The following SAMSN1 variants were observed in gnomAD, a reference collection of about 807,000 sequenced individuals.
SAMSN1 encodes the protein SAM domain, SH3 domain and nuclear localization signals 1.
A neutral mutation model predicts 42.0 loss-of-function variants in SAMSN1; 31 were observed. That is an observed-to-expected ratio of 0.74 (90% confidence interval 0.55 to 1.00). SAMSN1 has a LOEUF of 1.00. SAMSN1 is among the 50% of genes least tolerant of loss of function. The pLI, the probability that SAMSN1 is intolerant of heterozygous loss-of-function variation, is 0.00. For missense variants in SAMSN1, 464 were observed against 439.4 expected (o/e 1.06, Z -0.50); for synonymous variants, 178 against 151.9 (o/e 1.17, Z -1.26).
At position 14,486,636 on chromosome 21, in the gene SAMSN1, TTAAC is replaced by T. The variant is rs369563126; in HGVS notation, c.920-526_920-523del. 1.2e-3 allele frequency among the ~76,000 whole-genome samples: 179 copies of T among 152,290 alleles called. 3 individuals carry two copies. The South Asian group carries it at 0.029, about 25-fold the overall frequency. ...CAGTAGGACTTCAATTATTTGGAAG[TTAAC>T]TAATAAAACTTTAAATATCCAGAAT... On this transcript the variant is annotated intron_variant, in intron 7 of 7. Coordinates refer to ENST00000400566, the MANE Select transcript of SAMSN1 (RefSeq NM_022136.5).
At chr21:14,497,765 G>C (rs1222564348) in intron 7 of SAMSN1, among the ~76,000 whole-genome samples, 4 of 152,072 alleles carry the variant, frequency 2.6e-5, no homozygotes, top group Non-Finnish European at 5.9e-5. Flanking sequence ...CAGTGTTTGG[G>C]GGCCTGACCG....
chr21:14,614,758 C>G (rs1982793392), intron 3 of SAMSN1, among the ~76,000 whole-genome samples: 1 of 152,070 alleles, frequency 6.6e-6, no homozygotes, highest in South Asian at 2.1e-4. Context: ...GTTTATAATA[C>G]TGTAAAGTGA....
At chr21:14,559,578 A>G (rs977237630) in intron 2 of SAMSN1, among the ~76,000 whole-genome samples, 7 of 152,068 alleles carry the variant, frequency 4.6e-5, no homozygotes, top group Admixed American at 6.6e-5. Flanking sequence ...ATCATGGCTC[A>G]CTGCAGCATT....
At chr21:14,606,127 A>G (rs1442645448) in intron 5 of SAMSN1, among the ~76,000 whole-genome samples, 1 of 152,154 alleles carries the variant, frequency 6.6e-6, no homozygotes, top group African/African-American at 2.4e-5. Context: ...GGCGTGAACC[A>G]CTGCGCCCGG....
At chr21:14,641,889 T>C (rs1041484827) in intron 2 of SAMSN1, among the ~76,000 whole-genome samples, 2 of 152,176 alleles carry the variant, frequency 1.3e-5, no homozygotes, top group African/African-American at 4.8e-5. Flanking sequence ...CTAAAAACTT[T>C]ACTAATAGTC....
chr21:14,589,847 C>G (rs1374050365), intron 7 of SAMSN1, among the ~76,000 whole-genome samples: 1 of 152,132 alleles, frequency 6.6e-6, no homozygotes, highest in Non-Finnish European at 1.5e-5. Flanking sequence ...ATTTTCCTCT[C>G]TAGTGTCATA....
rs139063209 is a variant in SAMSN1, at chr21:14,635,669, G to C, written c.156+7333C>G. Among the ~76,000 whole-genome samples the C allele has an allele frequency of 7.8e-4, 119 of 152,248 alleles. 1 individual carries two copies. Among genetic ancestry groups the C allele is most frequent in the African/African-American group, 2.6e-3 (106 of 41,546 alleles). On this transcript the variant is annotated intron_variant, in intron 2 of 15. Transcript: ENST00000647101. Reference sequence around the variant, plus strand: ...AGATTAAGTGAGAGTTTGACTTAAAGTCATTTAATCAAGGATACTAAATTA... The same window carrying C: ...AGATTAAGTGAGAGTTTGACTTAAACTCATTTAATCAAGGATACTAAATTA...
intron 1 of SAMSN1, among the ~76,000 whole-genome samples, chr21:14,654,230 A>G (rs548039436): frequency 1.4e-4 from 22 of 152,130 alleles, no homozygotes; most frequent in Non-Finnish European, 2.5e-4. Context: ...ACATATAAGT[A>G]AAGTGAAGAT....
chr21:14,639,103 G>A (rs1293234419), intron 2 of SAMSN1, among the ~76,000 whole-genome samples: 1 of 152,200 alleles, frequency 6.6e-6, no homozygotes, highest in East Asian at 1.9e-4. Flanking sequence ...ACAAAATGAA[G>A]TGGAAAATTG....
chr21:14,627,277 G>GAAA (rs57307763), intron 2 of SAMSN1, among the ~76,000 whole-genome samples: 8 of 150,922 alleles, frequency 5.3e-5, no homozygotes, highest in East Asian at 1.9e-4. Context: ...AAAGTATAAT[G>GAAA]AAAAAAAAAG....
At chr21:14,603,535 A>G (rs1402897161) in intron 5 of SAMSN1, among the ~76,000 whole-genome samples, 1 of 152,228 alleles carries the variant, frequency 6.6e-6, no homozygotes, top group East Asian at 1.9e-4. Flanking sequence ...CAGTGATTCC[A>G]TGAACCCTGG....
intron 7 of SAMSN1, chr21:14,592,591 T>G: frequency 2.8e-6 from 1 of 351,870 alleles, no homozygotes; most frequent in Non-Finnish European, 6.1e-6. Flanking sequence ...CTTGGGGACA[T>G]TTGACTACAT....
At chr21:14,626,038 C>T (rs150861908) in intron 2 of SAMSN1, among the ~76,000 whole-genome samples, 1,766 of 152,238 alleles carry the variant, frequency 0.012, 24 homozygotes, top group African/African-American at 0.039. Flanking sequence ...AGAGGATTCC[C>T]TATTTAATAA....
At chr21:14,638,094 C>T (rs1411142450) in intron 2 of SAMSN1, among the ~76,000 whole-genome samples, 1 of 152,128 alleles carries the variant, frequency 6.6e-6, no homozygotes, top group Non-Finnish European at 1.5e-5. Context: ...GACTAAAAAC[C>T]ACATTATATA....
intron 2 of SAMSN1, among the ~76,000 whole-genome samples, chr21:14,622,608 T>C (rs1439320727): frequency 1.3e-5 from 2 of 152,180 alleles, no homozygotes; most frequent in Non-Finnish European, 2.9e-5. Context: ...CTCTAAGAAT[T>C]ATGGGACTAT....
At chr21:14,551,185 G>A (rs1428019885), upstream of SAMSN1, among the ~76,000 whole-genome samples, 1 of 152,082 alleles carries the variant, frequency 6.6e-6, no homozygotes, top group Non-Finnish European at 1.5e-5. Flanking sequence ...ATCTTGGGAA[G>A]CCTCTTAGAG....
At chr21:14,503,408 C>A (rs1275083504) in intron 5 of SAMSN1, among the ~76,000 whole-genome samples, 1 of 152,150 alleles carries the variant, frequency 6.6e-6, no homozygotes, top group Non-Finnish European at 1.5e-5. Context: ...GAACTGAATT[C>A]TGTCAAAAGC....
At chr21:14,494,415 A>G (rs1986823925) in intron 7 of SAMSN1, among the ~76,000 whole-genome samples, 2 of 152,240 alleles carry the variant, frequency 1.3e-5, no homozygotes, top group Admixed American at 6.5e-5. Flanking sequence ...TTACAGGGAC[A>G]TGGATGAAGC....
chr21:14,489,077 GA>G (rs1986564302), intron 7 of SAMSN1, among the ~76,000 whole-genome samples: 1 of 152,130 alleles, frequency 6.6e-6, no homozygotes, highest in African/African-American at 2.4e-5. Flanking sequence ...CAGAGGAGAT[GA>G]ATTCACATTA....
Sources: gnomAD v4.1 joint callset for allele counts (sites outside exome capture counted in the v4.1 genomes callset) on GRCh38, gnomAD v4.1.1 for gene constraint, MANE v1.5 for transcripts, NCBI Gene and HGNC (gene_info 2026-07-23, HGNC 2026-07-21) for gene names.